UVSSA: variants seen among roughly 807,000 people sequenced by gnomAD.
UVSSA encodes UV-stimulated scaffold protein A.
A neutral mutation model predicts 73.9 loss-of-function variants in UVSSA; 72 were observed. That is an observed-to-expected ratio of 0.97 (90% CI 0.81 to 1.19). The LOEUF is 1.19. Ranked by LOEUF, UVSSA falls within the 50% of genes most tolerant of loss-of-function variation. The probability of loss-of-function intolerance (pLI) is 0.00; values close to 1 mark genes in which losing one functional copy is unlikely to be tolerated. For synonymous variants in UVSSA, 454 were observed against 391.3 expected (o/e 1.16, Z -1.89); for missense variants, 1,150 against 965.0 (o/e 1.19, Z -2.54).
chr4:1,376,312 A>T, intron 10 of UVSSA, 144 bp downstream of exon 10: 2 of 1,272,900 alleles, frequency 1.6e-6, no homozygotes, highest in South Asian at 3.3e-5. Flanking sequence ...GGGCACCTGG[A>T]GGGGCACAGG....
intron 2 of UVSSA, among the ~76,000 whole-genome samples, chr4:1,349,225 C>T (rs1714274073): frequency 1.3e-5 from 2 of 152,242 alleles, no homozygotes; most frequent in Admixed American, 6.5e-5. Context: ...GTTCCAATGA[C>T]ACTTTGTGAA....
chr4:1,385,669 C>G, intron 13 of UVSSA, 199 bp from the exon 14 acceptor site: 1 of 608,672 alleles, frequency 1.6e-6, no homozygotes, highest in South Asian at 2.0e-5. Context: ...GCGGCCCTTT[C>G]TAAGCCTGTC....
intron 2 of UVSSA, 72 bp downstream of exon 2, chr4:1,348,261 C>T (rs373099973): frequency 5.1e-6 from 6 of 1,172,774 alleles, no homozygotes; most frequent in Non-Finnish European, 7.6e-6. Context: ...GCCCTGCCCT[C>T]CTGCCCCCAC....
At chr4:1,395,553 A>G (rs752794724) in exon 14 of UVSSA, 1 of 1,530,900 alleles carries the variant, frequency 6.5e-7, no homozygotes, top group South Asian at 1.1e-5. Context: ...ACACGTGCCC[A>G]TGTGGAGTGC....
chr4:1,362,135 A>G (rs1487310346), intron 7 of UVSSA, among the ~76,000 whole-genome samples: 1 of 152,158 alleles, frequency 6.6e-6, no homozygotes, highest in African/African-American at 2.4e-5. Flanking sequence ...TGCTTGTTTA[A>G]TTATGATCGT....
intron 7 of UVSSA, among the ~76,000 whole-genome samples, chr4:1,358,818 G>A (rs1716187430): frequency 6.6e-6 from 1 of 152,246 alleles, no homozygotes; most frequent in South Asian, 2.1e-4. Flanking sequence ...GGGGATTGGC[G>A]TCGTTAACTC....
chr4:1,370,221 C>T (rs1560464981), intron 8 of UVSSA, among the ~76,000 whole-genome samples: 1 of 152,220 alleles, frequency 6.6e-6, no homozygotes, highest in Non-Finnish European at 1.5e-5. Flanking sequence ...TCACATTGTT[C>T]ACTTGTCAGT....
chr4:1,375,398 G>A lies in UVSSA; in HGVS notation c.1323G>A (p.Val441=), dbSNP rs769671373. Residue 441 remains valine (V), a synonymous_variant, in exon 9 of 14, where the codon GTG becomes GTA. Coordinates refer to ENST00000389851, the MANE Select transcript of UVSSA (RefSeq NM_020894.4). ...LEAAPEKDTV[V]RCLRTRTRMD... ...CAGCACCAGAGAAAGACACAGTTGT[G>A]CGGTGCTTGCGGACGAGGACGAGGA... The A allele has an allele frequency of 1.9e-5, 30 of 1,613,516 alleles. No homozygotes were observed. Among genetic ancestry groups the A allele is most frequent in the Middle Eastern group, 1.6e-4 (1 of 6,084 alleles).
rs986304803 is a variant in UVSSA, at chr4:1,394,393, T to C, written c.*8432T>C. 7.3e-6 allele frequency: 11 copies of C among 1,498,602 alleles called. No individual in the cohort carries two copies. The African/African-American group carries it at 1.4e-4, about 19-fold the overall frequency. The allele number at this position is 1,498,602 out of a possible 1,614,324, so 92.8% of individuals were successfully genotyped here. A position where few individuals can be genotyped will look rare whatever the true frequency, so the allele number is the denominator to read the frequency against. On this transcript the variant is annotated 3_prime_UTR_variant, in exon 14 of 14. Transcript: ENST00000511216. The stretch of plus-strand genomic sequence containing the variant: ...TTTCCATGTTTTCTTCTAGTACTTT[T>C]ATGGGTTTCATTTTCATATTGAAAT...
chr4:1,365,133 C>T (rs1330317481), intron 7 of UVSSA, among the ~76,000 whole-genome samples: 1 of 152,230 alleles, frequency 6.6e-6, no homozygotes, highest in African/African-American at 2.4e-5. Context: ...GAGCAGTGGG[C>T]TCGCTACCCA....
chr4:1,367,087 G>A (rs1316029221), intron 8 of UVSSA, among the ~76,000 whole-genome samples: 2 of 152,232 alleles, frequency 1.3e-5, no homozygotes, highest in Admixed American at 6.5e-5. Flanking sequence ...CCACAGCCTC[G>A]GGTCTGGGCC....
chr4:1,352,942 G>T, intron 4 of UVSSA, 88 bp from the exon 5 acceptor site: 2 of 1,508,646 alleles, frequency 1.3e-6, no homozygotes, highest in East Asian at 2.3e-5. Flanking sequence ...GACACCCTGC[G>T]GGGAGTGGGC....
At chr4:1,362,608 G>T (rs1560452489) in intron 7 of UVSSA, among the ~76,000 whole-genome samples, 1 of 152,150 alleles carries the variant, frequency 6.6e-6, no homozygotes, top group Non-Finnish European at 1.5e-5. Context: ...CTCGTCCAGA[G>T]CCCCCCCGCA....
intron 10 of UVSSA, among the ~76,000 whole-genome samples, chr4:1,376,459 C>T (rs1239060324): frequency 6.6e-6 from 1 of 152,182 alleles, no homozygotes; most frequent in Non-Finnish European, 1.5e-5. Context: ...AAACCACTCC[C>T]CTAAAGGCGG....
At chr4:1,342,510 G>A (rs1156850472), upstream of UVSSA, among the ~76,000 whole-genome samples, 1 of 152,024 alleles carries the variant, frequency 6.6e-6, no homozygotes, top group East Asian at 1.9e-4. Flanking sequence ...TTAAGTTTTA[G>A]TGCAGTTCAA....
Position 1,355,254 on chromosome 4 carries a change from G to T in UVSSA, c.1176+9G>T. On this transcript the variant is annotated intron_variant, in intron 7 of 13. Coordinates refer to ENST00000389851, the MANE Select transcript of UVSSA (RefSeq NM_020894.4). ...GAGGGGAAAGGCGCAGGGTGAGTGG[G>T]CAGGCGGCGAGCGGGAAGGGGTCCC... 6.2e-7 allele frequency: 1 copy of T among 1,606,636 alleles called. No homozygotes were observed. The highest frequency in any genetic ancestry group is 1.1e-5 in the South Asian group (1 of 89,714).
intron 11 of UVSSA, chr4:1,380,591 G>T (rs1412427836): frequency 7.0e-7 from 1 of 1,432,258 alleles, no homozygotes; most frequent in Non-Finnish European, 9.3e-7. Flanking sequence ...CGGGCAGCTG[G>T]GCATGGTGCA....
At chr4:1,350,767 A>T (rs529202371) in intron 3 of UVSSA, among the ~76,000 whole-genome samples, 71 of 60,934 alleles carry the variant, frequency 1.2e-3, no homozygotes, top group Non-Finnish European at 1.0e-4. Flanking sequence ...GTTGTCTCTT[A>T]AAAAAAAAAA....
intron 2 of UVSSA, among the ~76,000 whole-genome samples, chr4:1,348,435 G>GCA (rs1161714589): frequency 2.6e-5 from 4 of 152,260 alleles, no homozygotes; most frequent in African/African-American, 7.2e-5. Flanking sequence ...GTGGTCTGGA[G>GCA]CACATCCTGT....
Sources: allele counts gnomAD v4.1 joint callset (sites outside exome capture counted in the v4.1 genomes callset), GRCh38; gene constraint gnomAD v4.1.1; transcripts MANE v1.5; gene names NCBI Gene and HGNC (gene_info 2026-07-23, HGNC 2026-07-21).